The following SBNO2 variants were observed in gnomAD, a reference collection of about 807,000 sequenced individuals.
SBNO2 encodes strawberry notch homolog 2, also known as protein strawberry notch homolog 2.
A neutral mutation model predicts 146.3 loss-of-function variants in SBNO2; 89 were observed. The observed-to-expected ratio is 0.61, with a 90% CI of 0.51 to 0.73. SBNO2 has a LOEUF of 0.73. SBNO2 is among the 30% of genes least tolerant of loss of function. The pLI, the probability that SBNO2 is intolerant of heterozygous loss-of-function variation, is 0.00. For missense variants in SBNO2, 2,092 were observed against 2,003.7 expected (o/e 1.04, Z -0.84); for synonymous variants, 1,147 against 892.6 (o/e 1.29, Z -5.08).
At chr19:1,143,230 T>G (rs1043587466) in intron 4 of SBNO2, among the ~76,000 whole-genome samples, 5 of 151,602 alleles carry the variant, frequency 3.3e-5, no homozygotes, top group African/African-American at 1.2e-4. Flanking sequence ...GTAATCCCCA[T>G]GCTTTGGTAG....
rs1358007219 is a variant in SBNO2, at chr19:1,144,901, G to GA, written c.279+2407_279+2408insT. Among the ~76,000 whole-genome samples, 237 of 118,972 alleles carry GA rather than the reference G, an allele frequency of 2.0e-3. 2 individuals are homozygous for GA. The highest frequency in any genetic ancestry group is 0.011 in the African/African-American group (228 of 21,514). 78.1% of individuals were successfully genotyped at this position (118,972 alleles called of 152,430 possible). A position where few individuals can be genotyped will look rare whatever the true frequency, so the allele number is the denominator to read the frequency against. On this transcript the variant is annotated intron_variant, in intron 4 of 31. Transcript: ENST00000361757. The surrounding 1 kb of genome is among the most constrained non-coding windows in gnomAD (Gnocchi z 4.1). ...ACAGAGAGGGAGACAGAGAGACAGA[G>GA]GCGGAGATGGAGACAGAGACAGAGA...
chr19:1,114,417 G>T lies in SBNO2; in HGVS notation c.1891C>A (p.Pro631Thr), dbSNP rs373588462. The T allele has an allele frequency of 5.9e-6, 9 of 1,529,486 alleles. No homozygotes were observed. In the Admixed American group the frequency reaches 1.2e-4, roughly 21 times the overall value. The allele number at this position is 1,529,486 out of a possible 1,614,324, so 94.7% of individuals were successfully genotyped here. The change falls in exon 18 of 32, where the codon CCT becomes ACT. Residue 631 changes from proline to threonine, a missense_variant. Pro to Thr is a conservative substitution (Grantham distance 38). Coordinates refer to ENST00000361757, the MANE Select transcript of SBNO2 (RefSeq NM_014963.3). Reference sequence around the variant, plus strand: ...GGGGCTTTGGCCCCGCGTCCCCGAGGTCGCCCTGCAGGGAAGGACAGGGTC... The same window carrying T: ...GGGGCTTTGGCCCCGCGTCCCCGAGTTCGCCCTGCAGGGAAGGACAGGGTC... ...RGAGSKRKRR[P>T]RGRGAKAPRL...
At chr19:1,111,210 T>C (rs1568553493) in intron 24 of SBNO2, 117 bp from the exon 25 acceptor site, 6 of 1,190,284 alleles carry the variant, frequency 5.0e-6, no homozygotes, top group Non-Finnish European at 5.8e-6. Flanking sequence ...AGCTGCAGCC[T>C]AGGGCCAGGG....
chr19:1,123,098 A>G, intron 7 of SBNO2, 53 bp from the exon 8 acceptor site: 1 of 1,563,062 alleles, frequency 6.4e-7, no homozygotes. Context: ...AGGGGTGACC[A>G]GGGCCGGTTA....
chr19:1,113,996 G>A (rs1206249038), intron 18 of SBNO2, among the ~76,000 whole-genome samples: 1 of 152,240 alleles, frequency 6.6e-6, no homozygotes, highest in Non-Finnish European at 1.5e-5. Context: ...CCTCTGACCA[G>A]TGGTATAACC....
rs1391077701 is a variant in SBNO2, at chr19:1,126,939, T to A, written c.441+665A>T. ...GAAGAACCTGGGGGCCCTGCTGCCC[T>A]ACAACCCCTGCTCTAGGCCTGGCCC... is the stretch of plus-strand genomic sequence containing the variant. On this transcript the variant is annotated intron_variant, in intron 5 of 31. Coordinates refer to ENST00000361757, the MANE Select transcript of SBNO2 (RefSeq NM_014963.3). The surrounding 1 kb of genome is among the most constrained non-coding windows in gnomAD (Gnocchi z 4.4). Among the ~76,000 whole-genome samples the A allele has an allele frequency of 6.6e-6, 1 of 152,156 alleles. No homozygotes were observed. Among genetic ancestry groups the A allele is most frequent in the Non-Finnish European group, 1.5e-5 (1 of 68,002 alleles).
Position 1,146,529 on chromosome 19 carries a change from G to T in SBNO2, c.279+780C>A, listed in dbSNP as rs2080191460. On this transcript the variant is annotated intron_variant, in intron 4 of 31. Coordinates refer to ENST00000361757, the MANE Select transcript of SBNO2 (RefSeq NM_014963.3). ...GGAAGCGGAGGCTTGGGGGAGCTGAGCACCAGGTGACCCTCGCTCCCCGGC... is the reference window on the plus strand; with the variant it reads ...GGAAGCGGAGGCTTGGGGGAGCTGATCACCAGGTGACCCTCGCTCCCCGGC... 2.6e-5 allele frequency among the ~76,000 whole-genome samples: 4 copies of T among 152,196 alleles called. No homozygotes were observed. In the South Asian group the frequency reaches 8.3e-4, roughly 32 times the overall value.
At position 1,110,407 on chromosome 19, in the gene SBNO2, C is replaced by T. The variant is rs546303871; in HGVS notation, c.3028+338G>A. Among the ~76,000 whole-genome samples, 5 of 152,302 alleles carry T rather than the reference C, an allele frequency of 3.3e-5. No homozygotes were observed. Among genetic ancestry groups the T allele is most frequent in the East Asian group, 1.9e-4 (1 of 5,182 alleles). On this transcript the variant is annotated intron_variant, in intron 26 of 31. Transcript: ENST00000361757. This position sits in a 1 kb window ranked among gnomAD's most constrained non-coding sequence, Gnocchi z 4.9. ...CCTGGGCACCTTCCAGAGACGTGCA[C>T]GGTGATCCCACGAGCCCTGTGCCTG...
intron 3 of SBNO2, among the ~76,000 whole-genome samples, chr19:1,149,155 G>A (rs1167947663): frequency 6.8e-6 from 1 of 147,318 alleles, no homozygotes; most frequent in Non-Finnish European, 1.5e-5. Context: ...CGAGGAGAGG[G>A]AAGCCATGGA....
In SBNO2 at chr19:1,122,489, G is replaced by A. The variant is rs1365974089; in HGVS notation, c.984C>T (p.Ile328=). Reference sequence around the variant, plus strand: ...CTACCTTGCTGAGCGCGTGCACCGCGATGCCCGTGGCTTCGATGTCCCGCA... The same window carrying A: ...CTACCTTGCTGAGCGCGTGCACCGCAATGCCCGTGGCTTCGATGTCCCGCA... The part of the protein sequence containing the change: ...RDLRDIEATG[I]AVHALSKIKY... The change falls in exon 10 of 32, where the codon ATC becomes ATT. Residue 328 remains isoleucine (I), a synonymous_variant. Coordinates refer to ENST00000361757, the MANE Select transcript of SBNO2 (RefSeq NM_014963.3). 1.0e-5 allele frequency: 16 copies of A among 1,573,436 alleles called. No individual in the cohort carries two copies. The highest frequency in any genetic ancestry group is 1.0e-5 in the Non-Finnish European group (12 of 1,161,670).
At chr19:1,159,103 G>A (rs2080319532) in intron 1 of SBNO2, among the ~76,000 whole-genome samples, 2 of 152,164 alleles carry the variant, frequency 1.3e-5, no homozygotes, top group Non-Finnish European at 2.9e-5. Context: ...CTGCAGCTAT[G>A]ACCACCGCAC....
At chr19:1,122,865 G>A (rs376826651) in intron 8 of SBNO2, 29 bp downstream of exon 8, 316 of 1,539,998 alleles carry the variant, frequency 2.1e-4, no homozygotes, top group Non-Finnish European at 2.7e-4. Context: ...GCGGACACAG[G>A]CTGGGCTGGG....
chr19:1,171,614 G>A (rs892125337), intron 1 of SBNO2, among the ~76,000 whole-genome samples: 2 of 152,278 alleles, frequency 1.3e-5, no homozygotes, highest in South Asian at 2.1e-4. Flanking sequence ...CTCTTTGTTC[G>A]GGGCAGAGCT....
intron 1 of SBNO2, among the ~76,000 whole-genome samples, chr19:1,159,006 C>G (rs1599876606): frequency 6.9e-6 from 1 of 145,940 alleles, no homozygotes; most frequent in Non-Finnish European, 1.5e-5. Context: ...CCCACCTGCA[C>G]CCGCGACCCC....
intron 1 of SBNO2, among the ~76,000 whole-genome samples, chr19:1,172,778 G>GCCCCCCCCCACCCCC (rs201804891): frequency 2.8e-5 from 1 of 36,302 alleles, no homozygotes; most frequent in Non-Finnish European, 4.5e-5. Context: ...CACTGCAACC[G>GCCCCCCCCCACCCCC]CCCCCCCCGC....
In SBNO2 at chr19:1,144,397, A is replaced by C. The variant is rs2080167006; in HGVS notation, c.279+2912T>G. Among the ~76,000 whole-genome samples the C allele has an allele frequency of 6.6e-6, 1 of 152,180 alleles. No individual in the cohort carries two copies. Among genetic ancestry groups the C allele is most frequent in the African/African-American group, 2.4e-5 (1 of 41,454 alleles). ...GCTGGAGCATGAGGCGGCTGTAGGC[A>C]GGGTGGGCAGGGAGCCGGGCGGGCG... On this transcript the variant is annotated intron_variant, in intron 4 of 31. Transcript: ENST00000361757. The surrounding 1 kb of genome is among the most constrained non-coding windows in gnomAD (Gnocchi z 4.1).
intron 1 of SBNO2, among the ~76,000 whole-genome samples, chr19:1,160,719 G>A (rs2145331802): frequency 6.6e-6 from 1 of 152,278 alleles, no homozygotes; most frequent in East Asian, 1.9e-4. Flanking sequence ...TAGTAGAGAA[G>A]GGGTTTCACC....
At chr19:1,155,712 G>A (rs981172950) in intron 1 of SBNO2, among the ~76,000 whole-genome samples, 1 of 152,212 alleles carries the variant, frequency 6.6e-6, no homozygotes, top group Non-Finnish European at 1.5e-5. Flanking sequence ...TCTCTGGGTA[G>A]AGCCTGGGAC....
At chr19:1,165,692 TCTCAGACCCCAGAC>T (rs2080408795) in intron 1 of SBNO2, among the ~76,000 whole-genome samples, 1 of 35,114 alleles carries the variant, frequency 2.8e-5, no homozygotes, top group African/African-American at 8.8e-5. Flanking sequence ...AGACCCCAGA[TCTCAGACCCCAGAC>T]CCCAGATCTC....
Sources: allele counts gnomAD v4.1 joint callset (sites outside exome capture counted in the v4.1 genomes callset), GRCh38; gene constraint gnomAD v4.1.1; non-coding constraint Gnocchi (gnomAD v3.1); transcripts MANE v1.5; gene names NCBI Gene and HGNC (gene_info 2026-07-23, HGNC 2026-07-21).